Variants in RIC1 observed in about 807,000 individuals in gnomAD.
RIC1 encodes the protein RIC1 partner of RAB6A GEF complex, also known as guanine nucleotide exchange factor subunit RIC1.
RIC1 carries 88 observed loss-of-function variants against 169.0 expected under a neutral mutation model. That is an observed-to-expected ratio of 0.52 (90% confidence interval 0.44 to 0.62). The LOEUF is 0.62. Among genes scored for constraint, RIC1 ranks in the 20% least tolerant of loss-of-function variants. The pLI is 0.00. For missense variants in RIC1, 1,877 were observed against 1,725.5 expected (o/e 1.09, Z -1.56); for synonymous variants, 790 against 601.5 (o/e 1.31, Z -4.59).
intron 1 of RIC1, among the ~76,000 whole-genome samples, chr9:5,637,212 A>G (rs1170368741): frequency 6.6e-6 from 1 of 151,566 alleles, no homozygotes; most frequent in Non-Finnish European, 1.5e-5. Flanking sequence ...GGTGTGCCCC[A>G]CTGCACTTGG....
intron 3 of RIC1, among the ~76,000 whole-genome samples, chr9:5,706,693 G>A (rs1398317380): frequency 6.6e-6 from 1 of 151,994 alleles, no homozygotes; most frequent in Non-Finnish European, 1.5e-5. Flanking sequence ...GTGTTTCTAG[G>A]AATTTGTCCA....
chr9:5,649,059 A>T (rs1457069712), intron 1 of RIC1, among the ~76,000 whole-genome samples: 1 of 152,160 alleles, frequency 6.6e-6, no homozygotes, highest in Non-Finnish European at 1.5e-5. Flanking sequence ...CATTTGAGCC[A>T]GGGAGGTAAA....
Position 5,765,752 on chromosome 9 carries a change from A to G in RIC1, c.3091A>G (p.Ser1031Gly), listed in dbSNP as rs1300197462. The G allele has an allele frequency of 6.2e-7, 1 of 1,614,080 alleles. No individual in the cohort carries two copies. Residue 1031 changes from serine (S) to glycine (G), a missense_variant, in exon 21 of 26, where the codon AGT becomes GGT. Coordinates refer to ENST00000414202, the MANE Select transcript of RIC1 (RefSeq NM_020829.4). ...SAENVPASKF[S>G]LQKTLSMPSG... ...TGAAAATGTTCCTGCCAGTAAATTC[A>G]GTTTACAGAAAACACTAAGTATGCC...
At chr9:5,646,453 T>C (rs141554060) in intron 1 of RIC1, among the ~76,000 whole-genome samples, 101 of 152,284 alleles carry the variant, frequency 6.6e-4, no homozygotes, top group African/African-American at 2.3e-3. Flanking sequence ...CTAGTGACAA[T>C]AGAAATTTTA....
chr9:5,667,438 C>T (rs558899513), intron 2 of RIC1, among the ~76,000 whole-genome samples: 2 of 148,048 alleles, frequency 1.4e-5, no homozygotes, highest in African/African-American at 2.5e-5. Flanking sequence ...TTACTTTGCT[C>T]TTTGTTATTT....
At chr9:5,641,975 G>T (rs1818275409) in intron 1 of RIC1, among the ~76,000 whole-genome samples, 2 of 143,792 alleles carry the variant, frequency 1.4e-5, no homozygotes, top group Admixed American at 6.8e-5. Flanking sequence ...ATCTTGATTT[G>T]ATGCTTGTAG....
chr9:5,738,548 T>TC lies in RIC1; in HGVS notation c.901+10_901+11insC. The TC allele has an allele frequency of 8.9e-7, 1 of 1,128,742 alleles. No individual in the cohort carries two copies. The highest frequency in any genetic ancestry group is 1.2e-6 in the Non-Finnish European group (1 of 842,950). 69.9% of individuals were successfully genotyped at this position (1,128,742 alleles called of 1,614,324 possible). On this transcript the variant is annotated intron_variant, in intron 8 of 25. Coordinates refer to ENST00000414202, the MANE Select transcript of RIC1 (RefSeq NM_020829.4). ...GCAAAACAGTATCCTGGTGAGTCTTTTTTTTTTTTTTTTTTTTTAACATTT... is the reference window on the plus strand; with the variant it reads ...GCAAAACAGTATCCTGGTGAGTCTTTCTTTTTTTTTTTTTTTTTTAACATTT...
At chr9:5,694,226 C>A (rs1417252438) in intron 3 of RIC1, among the ~76,000 whole-genome samples, 1 of 152,208 alleles carries the variant, frequency 6.6e-6, no homozygotes, top group East Asian at 1.9e-4. Context: ...GGGACAGAAG[C>A]ATCTAAATCG....
At chr9:5,651,765 G>A (rs1332869960) in intron 1 of RIC1, among the ~76,000 whole-genome samples, 1 of 151,610 alleles carries the variant, frequency 6.6e-6, no homozygotes, top group Non-Finnish European at 1.5e-5. Context: ...ATGGGGTTTT[G>A]CCATGTTGGC....
chr9:5,695,036 G>A (rs1821808830), intron 3 of RIC1, among the ~76,000 whole-genome samples: 1 of 152,162 alleles, frequency 6.6e-6, no homozygotes, highest in Non-Finnish European at 1.5e-5. Context: ...AATACATTAT[G>A]AGTTAGGTGA....
At chr9:5,691,273 A>T (rs993869126) in intron 3 of RIC1, among the ~76,000 whole-genome samples, 1 of 151,972 alleles carries the variant, frequency 6.6e-6, no homozygotes, top group Admixed American at 6.5e-5. Flanking sequence ...AAGTCATCTA[A>T]AGACAAAATC....
At chr9:5,633,538 T>G (rs1047415477) in intron 1 of RIC1, among the ~76,000 whole-genome samples, 1 of 152,206 alleles carries the variant, frequency 6.6e-6, no homozygotes, top group East Asian at 1.9e-4. Flanking sequence ...TAACCATAAG[T>G]GTTCATTTTT....
chr9:5,651,011 G>A (rs957683325), intron 1 of RIC1, among the ~76,000 whole-genome samples: 3 of 152,168 alleles, frequency 2.0e-5, no homozygotes, highest in African/African-American at 7.2e-5. Flanking sequence ...ACACCATGCT[G>A]TAACTGTTTA....
intron 8 of RIC1, 68 bp from the exon 9 acceptor site, chr9:5,742,801 A>G: frequency 7.2e-7 from 1 of 1,380,322 alleles, no homozygotes; most frequent in Non-Finnish European, 9.9e-7. Context: ...TGTATTTGAA[A>G]AAAAAAAAAA....
intron 2 of RIC1, among the ~76,000 whole-genome samples, chr9:5,671,719 A>G (rs1288444267): frequency 6.6e-6 from 1 of 152,220 alleles, no homozygotes; most frequent in Non-Finnish European, 1.5e-5. Flanking sequence ...CTAAGCCCCC[A>G]TTCCTAACTC....
At chr9:5,673,489 T>TA in intron 2 of RIC1, among the ~76,000 whole-genome samples, 1 of 145,466 alleles carries the variant, frequency 6.9e-6, no homozygotes, top group East Asian at 2.0e-4. Flanking sequence ...CAATCCTACT[T>TA]AAGGGAAGGT....
rs1248249941 is a variant in RIC1, at chr9:5,702,074, A to AT, written c.333-11816dup. 2.0e-5 allele frequency among the ~76,000 whole-genome samples: 3 copies of AT among 152,282 alleles called. No individual in the cohort carries two copies. The East Asian group carries it at 5.8e-4, about 29-fold the overall frequency. On this transcript the variant is annotated intron_variant, in intron 3 of 25. Coordinates refer to ENST00000414202, the MANE Select transcript of RIC1 (RefSeq NM_020829.4). ...AAGGCAATGGTGTGAATTAGAGTTG[A>AT]TTTTTTCCCAGTCTGAAGCTCATAG... is the stretch of plus-strand genomic sequence containing the variant.
chr9:5,675,883 T>G (rs1031490899), intron 2 of RIC1, among the ~76,000 whole-genome samples: 21 of 152,194 alleles, frequency 1.4e-4, no homozygotes, highest in African/African-American at 5.1e-4. Flanking sequence ...ACATTTGCAG[T>G]CAGTGGTAAA....
chr9:5,698,885 G>A (rs192155615), intron 3 of RIC1, among the ~76,000 whole-genome samples: 55 of 152,288 alleles, frequency 3.6e-4, no homozygotes, highest in African/African-American at 1.2e-3. Flanking sequence ...GGGGATTCTA[G>A]TTCATTAACT....
Sources: allele counts gnomAD v4.1 joint callset (sites outside exome capture counted in the v4.1 genomes callset), GRCh38; gene constraint gnomAD v4.1.1; transcripts MANE v1.5; gene names NCBI Gene and HGNC (gene_info 2026-07-23, HGNC 2026-07-21).